Variants in ALK observed in about 807,000 individuals in gnomAD.
ALK encodes the protein ALK tyrosine kinase receptor.
Under a neutral mutation model 163.1 loss-of-function variants are expected in ALK, and 74 were observed. That is an observed-to-expected ratio of 0.45 (90% CI 0.38 to 0.55). ALK has a LOEUF of 0.55. ALK is among the 20% of genes least tolerant of loss of function. The pLI, the probability that ALK is intolerant of heterozygous loss-of-function variation, is 0.00. For synonymous variants in ALK, 960 were observed against 843.2 expected, an observed-to-expected ratio of 1.14 and a Z score of -2.40; for missense variants, 2,063 against 2,105.3, an observed-to-expected ratio of 0.98 and a Z score of 0.39.
chr2:29,739,981 A>G (rs370127363), intron 1 of ALK, among the ~76,000 whole-genome samples: 30 of 152,234 alleles, frequency 2.0e-4, no homozygotes, highest in African/African-American at 7.2e-4. Flanking sequence ...TGTAATGAAG[A>G]CTTCAAGAAT....
At position 29,920,042 on chromosome 2, in the gene ALK, C is replaced by A. The variant is rs779178799; in HGVS notation, c.618G>T (p.Ala206=). 6.2e-7 allele frequency: 1 copy of A among 1,614,162 alleles called. No individual in the cohort carries two copies. The highest frequency in any genetic ancestry group is 1.1e-5 in the South Asian group (1 of 91,090). Residue 206 remains alanine, a synonymous_variant, in exon 1 of 29, where the codon GCG becomes GCT. Transcript: ENST00000389048. ...GGCGGGGCTGGGAGGCGCGAATTGC[C>A]GCGGACAGCCTTCCCTCTCTGCCCA... is the stretch of plus-strand genomic sequence containing the variant. ...SEVGREGRLS[A]AIRASQPRLL...
At chr2:29,638,441 G>T (rs551409716) in intron 3 of ALK, among the ~76,000 whole-genome samples, 52 of 148,348 alleles carry the variant, frequency 3.5e-4, no homozygotes, top group Non-Finnish European at 6.8e-4. Flanking sequence ...AGACAAGAAT[G>T]ATGACAGCCA....
At position 29,251,161 on chromosome 2, in the gene ALK, G is replaced by A. The variant is rs55733526; in HGVS notation, c.2148C>T (p.Ser716=). ...QNSNLSVEVG[S]EGPLKGIQIW... ...TCTGGATGCCTTTCAGGGGGCCCTC[G>A]CTCCCCACCTCCACGCTCAGGTTGG... is the stretch of plus-strand genomic sequence containing the variant. The change falls in exon 12 of 29, where the codon AGC becomes AGT. Residue 716 remains serine (S), a synonymous_variant. Transcript: ENST00000389048. The A allele has an allele frequency of 3.1e-4, 499 of 1,614,036 alleles. 6 individuals carry two copies. The East Asian group carries it at 7.4e-3, about 24-fold the overall frequency.
At chr2:29,393,835 A>C (rs1176396848) in intron 4 of ALK, among the ~76,000 whole-genome samples, 1 of 152,200 alleles carries the variant, frequency 6.6e-6, no homozygotes, top group African/African-American at 2.4e-5. Flanking sequence ...GAACATTTGA[A>C]TACTTTGGAA....
chr2:29,894,967 A>C (rs1425319710), intron 1 of ALK, among the ~76,000 whole-genome samples: 2 of 152,148 alleles, frequency 1.3e-5, no homozygotes, highest in Non-Finnish European at 2.9e-5. Context: ...GAACCATAAA[A>C]AGCCCCATGT....
intron 2 of ALK, among the ~76,000 whole-genome samples, chr2:29,709,604 C>T (rs914236460): frequency 2.6e-5 from 4 of 152,104 alleles, no homozygotes. Flanking sequence ...AAAAGTGTGA[C>T]ATCAGAGGCA....
intron 4 of ALK, among the ~76,000 whole-genome samples, chr2:29,403,736 A>T (rs921022319): frequency 7.0e-6 from 1 of 143,330 alleles, no homozygotes; most frequent in African/African-American, 2.5e-5. Context: ...AAAAAAAAAA[A>T]AAGGAAGAAA....
chr2:29,527,406 G>A (rs1573430764), intron 4 of ALK, among the ~76,000 whole-genome samples: 1 of 152,170 alleles, frequency 6.6e-6, no homozygotes, highest in South Asian at 2.1e-4. Flanking sequence ...AGGGCAGTGA[G>A]TTTGAGGGTT....
chr2:29,439,683 TTAAAAAAA>T (rs1362765445), intron 4 of ALK, among the ~76,000 whole-genome samples: 3 of 47,512 alleles, frequency 6.3e-5, no homozygotes, highest in Non-Finnish European at 2.1e-4. Context: ...GGTGTTCTTG[TTAAAAAAA>T]AAAAAAAAAA....
chr2:29,758,548 G>A (rs1680606348), intron 1 of ALK, among the ~76,000 whole-genome samples: 1 of 152,122 alleles, frequency 6.6e-6, no homozygotes, highest in South Asian at 2.1e-4. Context: ...TGTAGACCAA[G>A]TTCCCTTGGC....
intron 1 of ALK, among the ~76,000 whole-genome samples, chr2:29,854,202 G>A (rs1355457023): frequency 1.5e-5 from 1 of 65,768 alleles, no homozygotes; most frequent in Non-Finnish European, 4.0e-5. Context: ...AACGTTCCCT[G>A]TATTCTATTT....
intron 5 of ALK, among the ~76,000 whole-genome samples, chr2:29,347,690 G>A (rs576847775): frequency 1.3e-5 from 2 of 152,290 alleles, no homozygotes; most frequent in African/African-American, 4.8e-5. Flanking sequence ...TGATAGAGAT[G>A]TATTAGGTGG....
At chr2:29,519,913 T>G (rs1400486302) in intron 4 of ALK, among the ~76,000 whole-genome samples, 1 of 152,172 alleles carries the variant, frequency 6.6e-6, no homozygotes, top group Non-Finnish European at 1.5e-5. Context: ...TTGGACAGAA[T>G]GTAATTGGAA....
intron 11 of ALK, among the ~76,000 whole-genome samples, chr2:29,265,927 G>A (rs773575446): frequency 1.1e-4 from 17 of 152,228 alleles, no homozygotes; most frequent in Non-Finnish European, 1.8e-4. Flanking sequence ...GGAGGTTGCA[G>A]TGAGCCAAGA....
Position 29,595,348 on chromosome 2 carries a change from A to C in ALK, c.953-63232T>G, listed in dbSNP as rs1675181101. On this transcript the variant is annotated intron_variant, in intron 3 of 28. Coordinates refer to ENST00000389048, the MANE Select transcript of ALK (RefSeq NM_004304.5). ...TTTTTTTTTTTTTTTTTTGAGACAG[A>C]GTCTCGCTGTCACCCAGGCTGGGGT... Among the ~76,000 whole-genome samples, 4 of 139,464 alleles carry C rather than the reference A, an allele frequency of 2.9e-5. No homozygotes were observed. The South Asian group carries it at 9.1e-4, about 32-fold the overall frequency. The allele number at this position is 139,464 out of a possible 152,430, so 91.5% of individuals were successfully genotyped here. A position where few individuals can be genotyped will look rare whatever the true frequency, so the allele number is the denominator to read the frequency against.
intron 1 of ALK, among the ~76,000 whole-genome samples, chr2:29,828,752 T>G (rs1665274862): frequency 1.3e-5 from 2 of 151,918 alleles, no homozygotes; most frequent in South Asian, 4.2e-4. Flanking sequence ...TGGAAGACAG[T>G]GTGGCGATTC....
At chr2:29,574,022 G>A (rs138986206) in intron 3 of ALK, among the ~76,000 whole-genome samples, 2 of 151,446 alleles carry the variant, frequency 1.3e-5, no homozygotes, top group Non-Finnish European at 2.9e-5. Context: ...CAAAGACCTC[G>A]AGGGAGGAGA....
chr2:29,685,493 A>G (rs1001345931), intron 3 of ALK, among the ~76,000 whole-genome samples: 2 of 152,150 alleles, frequency 1.3e-5, no homozygotes, highest in African/African-American at 4.8e-5. Flanking sequence ...TATTCTGTTT[A>G]TAGTGGAGGA....
At chr2:29,217,099 G>A (rs1469445145) in intron 23 of ALK, among the ~76,000 whole-genome samples, 2 of 133,468 alleles carry the variant, frequency 1.5e-5, no homozygotes, top group East Asian at 4.5e-4. Flanking sequence ...ATATGTCTAT[G>A]TGGTGTGTCT....
Sources: allele counts gnomAD v4.1 joint callset (sites outside exome capture counted in the v4.1 genomes callset), GRCh38; gene constraint gnomAD v4.1.1; transcripts MANE v1.5; gene names NCBI Gene and HGNC (gene_info 2026-07-23, HGNC 2026-07-21).